Variants in BBIP1 observed in about 807,000 individuals in gnomAD.
BBIP1 encodes the protein BBSome interacting protein 1.
BBIP1 carries 6 observed loss-of-function variants against 8.9 expected under a neutral mutation model. The ratio of observed to expected loss-of-function variants is 0.67; its 90% CI spans 0.37 to 1.33. BBIP1 has a LOEUF of 1.33. BBIP1 is among the 40% of genes most tolerant of loss of function. The probability of loss-of-function intolerance (pLI) is 0.02; values close to 1 mark genes in which losing one functional copy is unlikely to be tolerated. For missense variants in BBIP1, 111 were observed against 109.2 expected (o/e 1.02, Z -0.07); for synonymous variants, 32 against 33.4 (o/e 0.96, Z 0.14).
intron 2 of BBIP1, chr10:110,917,879 A>G: frequency 1.8e-6 from 1 of 558,100 alleles, no homozygotes; most frequent in Non-Finnish European, 3.2e-6. Flanking sequence ...AAAAAATGCT[A>G]AACTCAGAGG....
intron 2 of BBIP1, chr10:110,902,692 T>A (rs1479589621): frequency 3.3e-5 from 5 of 152,390 alleles, no homozygotes; most frequent in Admixed American, 1.3e-4. Flanking sequence ...CTGGAACGTC[T>A]AAGTTCCTGA....
intron 3 of BBIP1, chr10:110,901,290 A>G (rs1290994507): frequency 2.1e-6 from 1 of 485,416 alleles, no homozygotes. Context: ...CTTAAAAAAA[A>G]TTCATATTGT....
At position 110,901,617 on chromosome 10, in the gene BBIP1, A is replaced by G; in HGVS notation, c.38-5T>C. 6.5e-7 allele frequency: 1 copy of G among 1,527,596 alleles called. No individual in the cohort carries two copies. Among genetic ancestry groups the G allele is most frequent in the Admixed American group, 2.0e-5 (1 of 50,988 alleles). The allele number at this position is 1,527,596 out of a possible 1,614,324, so 94.6% of individuals were successfully genotyped here. A position where few individuals can be genotyped will look rare whatever the true frequency, so the allele number is the denominator to read the frequency against. ...TGTTGGATATAGTGTTTTTTCCTTC[A>G]ATGAGAAATCAGTATTATTCAAGAA... On this transcript the variant is annotated splice_polypyrimidine_tract_variant and splice_region_variant and intron_variant, in intron 2 of 3. Transcript: ENST00000448814.
Position 110,898,892 on chromosome 10 carries a change from A to G in BBIP1, c.*1468T>C, listed in dbSNP as rs1845897621. ...TTTTTTCCCTACAAAATTTTAAGTG[A>G]AAAATACAATAGTAAATTAAGATTA... On this transcript the variant is annotated 3_prime_UTR_variant, in exon 4 of 4. Coordinates refer to ENST00000448814, the MANE Select transcript of BBIP1 (RefSeq NM_001195305.3). The G allele has an allele frequency of 6.6e-6, 1 of 152,630 alleles. No individual in the cohort carries two copies. The highest frequency in any genetic ancestry group is 6.5e-5 in the Admixed American group (1 of 15,296). The allele number at this position is 152,630 out of a possible 1,614,324, so 9.5% of individuals were successfully genotyped here.
chr10:110,901,354 CAA>C (rs1453806746), intron 3 of BBIP1, 182 bp downstream of exon 3: 43 of 579,378 alleles, frequency 7.4e-5, no homozygotes, highest in Non-Finnish European at 1.1e-4. Flanking sequence ...GTATAAGAAA[CAA>C]TGTTTCATTT....
chr10:110,902,261 CAAT>C (rs1031980185), intron 2 of BBIP1: 1 of 153,284 alleles, frequency 6.5e-6, no homozygotes, highest in African/African-American at 2.4e-5. Flanking sequence ...AAAGGACCAA[CAAT>C]ATTTAACTAT....
chr10:110,911,953 T>A (rs889234129), intron 2 of BBIP1: 1 of 152,100 alleles, frequency 6.6e-6, no homozygotes. Flanking sequence ...TCTACTGAAA[T>A]GGGAAATTTT....
chr10:110,908,906 A>C (rs1164468107), intron 2 of BBIP1, among the ~76,000 whole-genome samples: 1 of 152,228 alleles, frequency 6.6e-6, no homozygotes, highest in African/African-American at 2.4e-5. Context: ...TTTAAGAATG[A>C]GAATGACCTG....
At chr10:110,901,133 A>C (rs1429604299) in intron 3 of BBIP1, 1 of 455,696 alleles carries the variant, frequency 2.2e-6, no homozygotes, top group East Asian at 7.0e-5. Context: ...CTACAAAAAT[A>C]AGAACAAATT....
intron 3 of BBIP1, chr10:110,901,127 A>C (rs1167088327): frequency 2.2e-6 from 1 of 455,374 alleles, no homozygotes; most frequent in South Asian, 1.6e-5. Context: ...CCTTCTCTAC[A>C]AAAATAAGAA....
intron 2 of BBIP1, chr10:110,905,027 G>A (rs1846095984): frequency 6.6e-6 from 1 of 152,150 alleles, no homozygotes; most frequent in African/African-American, 2.4e-5. Context: ...AGATTCTAAA[G>A]TTTGTAATTT....
At position 110,911,477 on chromosome 10, in the gene BBIP1, T is replaced by G. The variant is rs183731647; in HGVS notation, c.37+6644A>C. The G allele has an allele frequency of 2.2e-3, 341 of 152,184 alleles. 1 individual carries two copies. The highest frequency in any genetic ancestry group is 7.7e-3 in the African/African-American group (321 of 41,516). The allele number at this position is 152,184 out of a possible 1,614,324, so 9.4% of individuals were successfully genotyped here. A position where few individuals can be genotyped will look rare whatever the true frequency, so the allele number is the denominator to read the frequency against. On this transcript the variant is annotated intron_variant, in intron 2 of 3. Transcript: ENST00000448814. ...TTTAGTACGAAGTCATGCATGTATT[T>G]CAACTAAGTAGATATTTTAAGGAAT... is the stretch of plus-strand genomic sequence containing the variant.
rs1466502069 is a variant in BBIP1, at chr10:110,900,101, ATAATT to A, written c.*254_*258del. The stretch of plus-strand genomic sequence containing the variant: ...AGATAGCAATAGGAATGGTGAACAA[ATAATT>A]TAATTTGCAATTCTAAAAACATGAC... On this transcript the variant is annotated 3_prime_UTR_variant, in exon 4 of 4. Transcript: ENST00000448814. The A allele has an allele frequency of 2.3e-5, 8 of 341,832 alleles. No homozygotes were observed. In the Admixed American group the frequency reaches 2.3e-4, roughly 10 times the overall value. The allele number at this position is 341,832 out of a possible 1,614,324, so 21.2% of individuals were successfully genotyped here.
chr10:110,910,317 C>G (rs116658453), intron 2 of BBIP1, among the ~76,000 whole-genome samples: 2 of 152,156 alleles, frequency 1.3e-5, no homozygotes, highest in Non-Finnish European at 2.9e-5. Context: ...AGTGTGCATA[C>G]AGTGTGCACC....
intron 2 of BBIP1, 192 bp downstream of exon 2, chr10:110,917,929 C>T: frequency 1.7e-6 from 1 of 596,930 alleles, no homozygotes; most frequent in Admixed American, 3.0e-5. Context: ...AACACATCTC[C>T]ACGGGTAACA....
At chr10:110,907,528 A>C in intron 2 of BBIP1, 1 of 496,000 alleles carries the variant, frequency 2.0e-6, no homozygotes, top group Non-Finnish European at 3.5e-6. Flanking sequence ...AAAAAAAAAA[A>C]AAGAAAAGAA....
chr10:110,918,701 G>A (rs12268606), intron 1 of BBIP1: 10,836 of 152,526 alleles, frequency 0.071, 769 homozygotes, highest in East Asian at 0.3. Flanking sequence ...GAGCCTCACG[G>A]GGGCGGGCCG....
At chr10:110,902,920 CCT>C (rs2134020989) in intron 2 of BBIP1, 1 of 148,638 alleles carries the variant, frequency 6.7e-6, no homozygotes, top group Non-Finnish European at 1.5e-5. Flanking sequence ...GTGATCACTG[CCT>C]TTTTTTTTTT....
At chr10:110,907,644 T>TA (rs1346469576) in intron 2 of BBIP1, 2 of 619,958 alleles carry the variant, frequency 3.2e-6, no homozygotes, top group Non-Finnish European at 5.8e-6. Context: ...ACACTACATA[T>TA]AAAAGTTTAG....
Sources: gnomAD v4.1 joint callset for allele counts (sites outside exome capture counted in the v4.1 genomes callset) on GRCh38, gnomAD v4.1.1 for gene constraint, MANE v1.5 for transcripts, NCBI Gene and HGNC (gene_info 2026-07-23, HGNC 2026-07-21) for gene names.